LVRN: variants seen among roughly 807,000 people sequenced by gnomAD.
LVRN encodes the protein laeverin.
In LVRN, 99 loss-of-function variants were observed where a neutral mutation model predicts 111.4. The ratio of observed to expected loss-of-function variants is 0.89; its 90% CI spans 0.76 to 1.05. The LOEUF is 1.05. LVRN is among the 50% of genes least tolerant of loss of function. The pLI is 0.00. For missense variants in LVRN, 1,414 were observed against 1,206.8 expected, an observed-to-expected ratio of 1.17 and a Z score of -2.54; for synonymous variants, 488 against 449.5, an observed-to-expected ratio of 1.09 and a Z score of -1.08.
At chr5:115,974,536 TG>T (rs1398553162) in intron 1 of LVRN, 2 of 152,444 alleles carry the variant, frequency 1.3e-5, no homozygotes, top group Non-Finnish European at 2.9e-5. Context: ...GGGCGTTCCT[TG>T]AAGTCTTCCC....
intron 3 of LVRN, among the ~76,000 whole-genome samples, chr5:115,986,161 T>C (rs1178815094): frequency 6.6e-6 from 1 of 152,254 alleles, no homozygotes; most frequent in Non-Finnish European, 1.5e-5. Context: ...CCTAGGCTGT[T>C]GGCTCCAGTC....
intron 6 of LVRN, among the ~76,000 whole-genome samples, chr5:115,997,826 T>G (rs191486680): frequency 2.6e-4 from 39 of 152,256 alleles, no homozygotes; most frequent in Admixed American, 5.2e-4. Flanking sequence ...TTCCCTGCAA[T>G]AGAACTGAAA....
At position 115,984,673 on chromosome 5, in the gene LVRN, C is replaced by T. The variant is rs17482536; in HGVS notation, c.942C>T (p.Asp314=). The change falls in exon 3 of 20, where the codon GAC becomes GAT. Residue 314 remains aspartate (D), a synonymous_variant. Coordinates refer to ENST00000357872, the MANE Select transcript of LVRN (RefSeq NM_173800.5). ...ACTTAGTCGCATTTGTTATATGTGA[C>T]TATGACCACGTCAACAGAACAGAAA... is the stretch of plus-strand genomic sequence containing the variant. ...PTYLVAFVIC[D]YDHVNRTERG... 25,981 of 1,613,582 alleles carry T rather than the reference C, an allele frequency of 0.016. 244 individuals are homozygous for T. The highest frequency in any genetic ancestry group is 0.018 in the Non-Finnish European group (20,976 of 1,179,708).
chr5:115,987,818 C>T lies in LVRN; in HGVS notation c.984C>T (p.Arg328=). 1 of 1,611,926 alleles carries T rather than the reference C, an allele frequency of 6.2e-7. No individual in the cohort carries two copies. ...GCTTAACTGTTTTGATTTAGATACGCATCTGGGCCCGGAAAGATGCAATTG... is the reference window on the plus strand; with the variant it reads ...GCTTAACTGTTTTGATTTAGATACGTATCTGGGCCCGGAAAGATGCAATTG... ...VNRTERGKEI[R]IWARKDAIAN... The change falls in exon 4 of 20, where the codon CGC becomes CGT. Residue 328 remains arginine (R), a synonymous_variant. Coordinates refer to ENST00000357872, the MANE Select transcript of LVRN (RefSeq NM_173800.5).
At chr5:115,978,263 T>A (rs1031730489) in intron 1 of LVRN, among the ~76,000 whole-genome samples, 11 of 152,172 alleles carry the variant, frequency 7.2e-5, no homozygotes, top group African/African-American at 2.7e-4. Context: ...TGTCATTTCA[T>A]TATCCTATAA....
intron 19 of LVRN, among the ~76,000 whole-genome samples, chr5:116,023,097 T>G (rs1748790024): frequency 6.6e-6 from 1 of 152,234 alleles, no homozygotes; most frequent in Non-Finnish European, 1.5e-5. Context: ...TTTAAGATCC[T>G]GCTCCTATTA....
chr5:115,994,358 G>A (rs1748060720), intron 6 of LVRN, among the ~76,000 whole-genome samples: 1 of 151,898 alleles, frequency 6.6e-6, no homozygotes, highest in Non-Finnish European at 1.5e-5. Flanking sequence ...ATGCAGTCTC[G>A]ACCTCCTGGG....
chr5:116,001,309 T>C lies in LVRN; in HGVS notation c.1820+70T>C, dbSNP rs1748234516. ...AGCTCTGACCCAATGGAATCCAGCCTGTGGGTGAAGAAGCGTTACCCCCGC... is the reference window on the plus strand; with the variant it reads ...AGCTCTGACCCAATGGAATCCAGCCCGTGGGTGAAGAAGCGTTACCCCCGC... On this transcript the variant is annotated intron_variant, in intron 10 of 19. Transcript: ENST00000357872. 7 of 1,547,702 alleles carry C rather than the reference T, an allele frequency of 4.5e-6. No individual in the cohort carries two copies. The Middle Eastern group carries it at 5.1e-4, about 114-fold the overall frequency.
chr5:116,005,840 G>T (rs1168231618), intron 12 of LVRN, 72 bp from the exon 13 acceptor site: 3 of 1,276,416 alleles, frequency 2.4e-6, no homozygotes, highest in Admixed American at 1.7e-5. Flanking sequence ...TCTTTAAATT[G>T]TTGTTATTTT....
At position 115,999,849 on chromosome 5, in the gene LVRN, A is replaced by T. The variant is rs750272090; in HGVS notation, c.1462A>T (p.Asn488Tyr). ...TAGAGCTGTGGCCATGAAGGTGGAAAATTTCAAAACAAGTGAAATACAGGA... is the reference window on the plus strand; with the variant it reads ...TAGAGCTGTGGCCATGAAGGTGGAATATTTCAAAACAAGTGAAATACAGGA... ...VTRAVAMKVE[N>Y]FKTSEIQELF... The change falls in exon 7 of 20, where the codon AAT becomes TAT. Residue 488 changes from asparagine (N) to tyrosine (Y), a missense_variant. By Grantham distance (143) the Asn-to-Tyr change is moderately radical (BLOSUM62 -2). Coordinates refer to ENST00000357872, the MANE Select transcript of LVRN (RefSeq NM_173800.5). 1.2e-6 allele frequency: 2 copies of T among 1,613,650 alleles called. No homozygotes were observed. The highest frequency in any genetic ancestry group is 2.7e-5 in the African/African-American group (2 of 74,870).
In LVRN at chr5:116,022,472, T is replaced by C. The variant is rs1482263996; in HGVS notation, c.2832+6T>C. On this transcript the variant is annotated splice_donor_region_variant and intron_variant, in intron 19 of 19. Transcript: ENST00000357872. ...CAGATTTACAGATTGTGGAGGTAAG[T>C]ACTTTAAATATTATGAAATACAATG... 6.6e-7 allele frequency: 1 copy of C among 1,512,334 alleles called. No homozygotes were observed. Among genetic ancestry groups the C allele is most frequent in the Admixed American group, 2.0e-5 (1 of 49,554 alleles). The allele number at this position is 1,512,334 out of a possible 1,614,324, so 93.7% of individuals were successfully genotyped here.
intron 19 of LVRN, among the ~76,000 whole-genome samples, chr5:116,024,505 G>T (rs1402193758): frequency 2.0e-5 from 3 of 152,116 alleles, no homozygotes; most frequent in Non-Finnish European, 2.9e-5. Flanking sequence ...GAGCTGTCAG[G>T]ATCTGATTTA....
At chr5:116,024,848 G>A (rs563387525) in intron 19 of LVRN, among the ~76,000 whole-genome samples, 3 of 152,042 alleles carry the variant, frequency 2.0e-5, no homozygotes, top group Non-Finnish European at 1.5e-5. Context: ...AAGGTCCAGC[G>A]GTCCTGCTAT....
At chr5:116,022,250 C>T (rs757076646) in intron 18 of LVRN, 141 bp from the exon 19 acceptor site, 38 of 614,624 alleles carry the variant, frequency 6.2e-5, no homozygotes, top group Non-Finnish European at 9.9e-5. Context: ...TGAAGCTAAA[C>T]TAGTTCATAC....
chr5:116,010,238 A>G lies in LVRN; in HGVS notation c.2094-503A>G, dbSNP rs141780413. 3.6e-4 allele frequency among the ~76,000 whole-genome samples: 55 copies of G among 152,328 alleles called. 1 individual carries two copies. Among genetic ancestry groups the G allele is most frequent in the Middle Eastern group, 6.8e-3 (2 of 294 alleles). ...TACTTAATAGGCTACAGTATAGTGT[A>G]AACATAACTTTTATATGCACTGGAA... On this transcript the variant is annotated intron_variant, in intron 13 of 19. Transcript: ENST00000357872.
At chr5:116,024,185 C>A (rs148114599) in intron 19 of LVRN, among the ~76,000 whole-genome samples, 2,432 of 152,170 alleles carry the variant, frequency 0.016, 85 homozygotes, top group African/African-American at 0.056. Context: ...GGTCAAAATT[C>A]ATTGACTTTT....
chr5:115,982,942 A>T (rs1484898328), intron 1 of LVRN, among the ~76,000 whole-genome samples: 1 of 152,174 alleles, frequency 6.6e-6, no homozygotes, highest in Admixed American at 6.6e-5. Context: ...CAAAGAAGTA[A>T]TCCTAGCTTT....
intron 19 of LVRN, among the ~76,000 whole-genome samples, chr5:116,025,434 C>G (rs1748843005): frequency 1.3e-5 from 2 of 152,150 alleles, no homozygotes; most frequent in Non-Finnish European, 2.9e-5. Context: ...TTATTATTCA[C>G]TTGGAGTCTG....
At chr5:115,963,451 T>G (rs564109883) in intron 1 of LVRN, 139 bp downstream of exon 1, 5 of 595,714 alleles carry the variant, frequency 8.4e-6, no homozygotes, top group African/African-American at 7.5e-5. Flanking sequence ...TTTTCTTTTT[T>G]CTTTTTATTT....
Sources: allele counts gnomAD v4.1 joint callset (sites outside exome capture counted in the v4.1 genomes callset), GRCh38; gene constraint gnomAD v4.1.1; transcripts MANE v1.5; gene names NCBI Gene and HGNC (gene_info 2026-07-23, HGNC 2026-07-21).